The following SPI1 variants were observed in gnomAD, a reference collection of about 807,000 sequenced individuals.
The protein encoded by SPI1 is transcription factor PU.1.
Under a neutral mutation model 30.7 loss-of-function variants are expected in SPI1, and 3 were observed. That is an observed-to-expected ratio of 0.10 (90% CI 0.04 to 0.25). SPI1 has a LOEUF of 0.25. SPI1 is among the 10% of genes least tolerant of loss of function. The pLI, the probability that SPI1 is intolerant of heterozygous loss-of-function variation, is 1.00. For synonymous variants in SPI1, 169 were observed against 157.1 expected (o/e 1.08, Z -0.56); for missense variants, 261 against 371.5 (o/e 0.70, Z 2.45).
At chr11:47,368,063 T>G (rs1367610828) in intron 2 of SPI1, among the ~76,000 whole-genome samples, 1 of 152,140 alleles carries the variant, frequency 6.6e-6, no homozygotes, top group African/African-American at 2.4e-5. Flanking sequence ...GATGGTTTAA[T>G]TTTTAATAAA....
chr11:47,369,243 C>G (rs961224451), intron 2 of SPI1, among the ~76,000 whole-genome samples: 2 of 152,150 alleles, frequency 1.3e-5, no homozygotes, highest in Admixed American at 1.3e-4. Context: ...CAGAGTGAGA[C>G]TGTCTCAAAA....
chr11:47,370,391 G>T (rs2095934059), intron 2 of SPI1, among the ~76,000 whole-genome samples: 1 of 141,488 alleles, frequency 7.1e-6, no homozygotes, highest in Admixed American at 7.4e-5. Flanking sequence ...AACACAGAGA[G>T]ACACCGTCTC....
At chr11:47,373,166 C>A (rs2095938080) in intron 2 of SPI1, among the ~76,000 whole-genome samples, 1 of 151,848 alleles carries the variant, frequency 6.6e-6, no homozygotes, top group Non-Finnish European at 1.5e-5. Context: ...GCCTGGCCAA[C>A]ATAGTGAAAC....
At chr11:47,358,779 C>T (rs1255749127) in intron 4 of SPI1, 65 bp downstream of exon 4, 1 of 1,507,008 alleles carries the variant, frequency 6.6e-7, no homozygotes, top group South Asian at 1.2e-5. Context: ...GTTGGCCTGG[C>T]TGGGTGGGGG....
At position 47,378,372 on chromosome 11, in the gene SPI1, G is replaced by T. The variant is rs375691697; in HGVS notation, c.-19C>A. The T allele has an allele frequency of 6.2e-7, 1 of 1,610,532 alleles. No homozygotes were observed. Among genetic ancestry groups the T allele is most frequent in the South Asian group, 1.1e-5 (1 of 90,314 alleles). ...GTAACATCCAGCCGGGCTCCGAGTC[G>T]GTCAGATCCCCTGCCTCGGTGGGGG... On this transcript the variant is annotated 5_prime_UTR_variant, in exon 1 of 5. Transcript: ENST00000378538.
At chr11:47,357,575 T>G (rs1411619967) in intron 4 of SPI1, among the ~76,000 whole-genome samples, 2 of 135,916 alleles carry the variant, frequency 1.5e-5, no homozygotes, top group Admixed American at 7.8e-5. Context: ...ACACCCATTC[T>G]CTTGTTTTTG....
intron 2 of SPI1, among the ~76,000 whole-genome samples, chr11:47,368,127 A>T (rs998555104): frequency 6.6e-6 from 1 of 152,154 alleles, no homozygotes; most frequent in African/African-American, 2.4e-5. Context: ...GCACTTTGCG[A>T]GGCCAAGACG....
rs919110099 is a variant in SPI1 at position 47,355,117 on chromosome 11, A to G, written c.*110T>C. On this transcript the variant is annotated 3_prime_UTR_variant, in exon 5 of 5. Coordinates refer to ENST00000378538, the MANE Select transcript of SPI1 (RefSeq NM_003120.3). ...CGGGTGAGGCGAGGCCCGGCCCGCC[A>G]CAGTCCTGCCTCTGGGCCCCGGGAG... 3.5e-6 allele frequency: 3 copies of G among 869,018 alleles called. No homozygotes were observed. Among genetic ancestry groups the G allele is most frequent in the Non-Finnish European group, 4.5e-6 (3 of 661,452 alleles). 53.8% of individuals were successfully genotyped at this position (869,018 alleles called of 1,614,324 possible).
chr11:47,366,291 G>A (rs1406762778), intron 2 of SPI1, among the ~76,000 whole-genome samples: 1 of 152,152 alleles, frequency 6.6e-6, no homozygotes, highest in Non-Finnish European at 1.5e-5. Flanking sequence ...ACTAACACCT[G>A]TACGTCACCA....
intron 2 of SPI1, among the ~76,000 whole-genome samples, chr11:47,366,609 G>A (rs2095928461): frequency 6.6e-6 from 1 of 152,002 alleles, no homozygotes; most frequent in Non-Finnish European, 1.5e-5. Flanking sequence ...ACTGACATCA[G>A]GAGTTCAAGA....
intron 2 of SPI1, among the ~76,000 whole-genome samples, chr11:47,368,365 A>G (rs1366553018): frequency 6.6e-6 from 1 of 152,172 alleles, no homozygotes; most frequent in East Asian, 1.9e-4. Flanking sequence ...ACTCCGTCTC[A>G]AAAAAATAAA....
At position 47,359,289 on chromosome 11, in the gene SPI1, TC is replaced by T. The variant is rs1158911722; in HGVS notation, c.331-284del. On this transcript the variant is annotated intron_variant, in intron 3 of 4. Coordinates refer to ENST00000378538, the MANE Select transcript of SPI1 (RefSeq NM_003120.3). This position sits in a 1 kb window ranked among gnomAD's most constrained non-coding sequence, Gnocchi z 5.1. ...GCACCGGGGAAGTGGTGCCTTGTTC[TC>T]CTCCCTGCAGCGGTGCTGTGTGGAC... Among the ~76,000 whole-genome samples the T allele has an allele frequency of 6.6e-6, 1 of 151,980 alleles. No individual in the cohort carries two copies. The highest frequency in any genetic ancestry group is 1.5e-5 in the Non-Finnish European group (1 of 67,996).
intron 2 of SPI1, among the ~76,000 whole-genome samples, chr11:47,361,148 GA>G (rs1565639167): frequency 2.0e-5 from 3 of 151,954 alleles, no homozygotes; most frequent in Admixed American, 6.6e-5. Flanking sequence ...AAAAAGAAAA[GA>G]AAAAAACCTC....
At chr11:47,357,483 A>G (rs1385501072) in intron 4 of SPI1, among the ~76,000 whole-genome samples, 1 of 151,740 alleles carries the variant, frequency 6.6e-6, no homozygotes, top group Admixed American at 6.6e-5. Context: ...TCAAATGCTC[A>G]CACACATTCT....
At position 47,359,048 on chromosome 11, in the gene SPI1, C is replaced by T. The variant is rs374126973; in HGVS notation, c.331-42G>A. The T allele has an allele frequency of 3.8e-5, 57 of 1,505,228 alleles. No homozygotes were observed. The highest frequency in any genetic ancestry group is 2.7e-5 in the Non-Finnish European group (31 of 1,129,290). The allele number at this position is 1,505,228 out of a possible 1,614,324, so 93.2% of individuals were successfully genotyped here. A position where few individuals can be genotyped will look rare whatever the true frequency, so the allele number is the denominator to read the frequency against. ...GGAGATCAGAGTCAGGAAGGGCCAG[C>T]TTACAGCTCAGGGGGGCTGGGAGGG... On this transcript the variant is annotated intron_variant, in intron 3 of 4. Transcript: ENST00000378538. The surrounding 1 kb of genome is among the most constrained non-coding windows in gnomAD (Gnocchi z 5.1).
chr11:47,356,908 A>G (rs1188786232), intron 4 of SPI1, among the ~76,000 whole-genome samples: 2 of 140,690 alleles, frequency 1.4e-5, no homozygotes, highest in African/African-American at 5.0e-5. Flanking sequence ...CTGCTCACAC[A>G]CTTGTGCTCA....
At chr11:47,361,780 C>G (rs919674952) in intron 2 of SPI1, among the ~76,000 whole-genome samples, 1 of 152,216 alleles carries the variant, frequency 6.6e-6, no homozygotes, top group African/African-American at 2.4e-5. Context: ...AATAGATAAT[C>G]ATGATTTTTG....
chr11:47,369,336 C>A (rs892031643), intron 2 of SPI1, among the ~76,000 whole-genome samples: 1 of 152,132 alleles, frequency 6.6e-6, no homozygotes, highest in Non-Finnish European at 1.5e-5. Flanking sequence ...CTGTCCCCCC[C>A]TTTCTGTCTC....
chr11:47,369,275 GCATAATAAA>G (rs1427409159), intron 2 of SPI1, among the ~76,000 whole-genome samples: 1 of 152,054 alleles, frequency 6.6e-6, no homozygotes, highest in African/African-American at 2.4e-5. Context: ...CAAACAAAAA[GCATAATAAA>G]CAATAGCAAA....
Sources: gnomAD v4.1 joint callset for allele counts (sites outside exome capture counted in the v4.1 genomes callset) on GRCh38, gnomAD v4.1.1 for gene constraint, Gnocchi (gnomAD v3.1) non-coding constraint, MANE v1.5 for transcripts, NCBI Gene and HGNC (gene_info 2026-07-23, HGNC 2026-07-21) for gene names.